QTMAN: variants seen among roughly 807,000 people sequenced by gnomAD.
QTMAN encodes the protein tRNA-queuosine alpha-mannosyltransferase.
At chr2:144,228,363 T>C in the QTMAN span, among the ~76,000 whole-genome samples, 1 of 152,214 alleles carries the variant, frequency 6.6e-6, no homozygotes, top group African/African-American at 2.4e-5. Context: ...TTTTCTGTAA[T>C]CTGAATTACT....
chr2:144,044,365 A>G, the QTMAN span, among the ~76,000 whole-genome samples: 1 of 152,074 alleles, frequency 6.6e-6, no homozygotes, highest in South Asian at 2.1e-4. Context: ...TTTTTTTTTC[A>G]GTTGGCTCAG....
At chr2:144,035,243 TGTAA>T in the QTMAN span, among the ~76,000 whole-genome samples, 2 of 152,188 alleles carry the variant, frequency 1.3e-5, no homozygotes, top group Admixed American at 6.5e-5. Flanking sequence ...CTGCCATGAT[TGTAA>T]GTTTCCTGAG....
chr2:144,108,631 C>T, the QTMAN span, among the ~76,000 whole-genome samples: 1 of 150,692 alleles, frequency 6.6e-6, no homozygotes, highest in African/African-American at 2.4e-5. Flanking sequence ...GAGCAAGACT[C>T]TGTCTCAATT....
chr2:144,242,372 T>C, the QTMAN span, among the ~76,000 whole-genome samples: 1 of 152,050 alleles, frequency 6.6e-6, no homozygotes, highest in East Asian at 1.9e-4. Flanking sequence ...TGATCCACTC[T>C]TTACTGTTTC....
chr2:144,175,653 C>CTA, the QTMAN span, among the ~76,000 whole-genome samples: 66 of 150,290 alleles, frequency 4.4e-4, no homozygotes, highest in Non-Finnish European at 4.6e-4. Context: ...ATCTATTTAT[C>CTA]TATATATATA....
At chr2:144,166,663 A>T in the QTMAN span, among the ~76,000 whole-genome samples, 3 of 152,204 alleles carry the variant, frequency 2.0e-5, no homozygotes, top group African/African-American at 4.8e-5. Flanking sequence ...ACCCCACATT[A>T]TTGTGATAGT....
the QTMAN span, among the ~76,000 whole-genome samples, chr2:143,989,254 T>C: frequency 6.6e-6 from 1 of 151,880 alleles, no homozygotes; most frequent in African/African-American, 2.4e-5. Context: ...TATAATTTAA[T>C]ATAATTTTTT....
At chr2:144,066,181 A>C in the QTMAN span, among the ~76,000 whole-genome samples, 1 of 151,248 alleles carries the variant, frequency 6.6e-6, no homozygotes, top group Non-Finnish European at 1.5e-5. Context: ...TTTTATTATA[A>C]GCATTTCATT....
At chr2:144,190,503 TAAA>T in the QTMAN span, among the ~76,000 whole-genome samples, 5 of 152,214 alleles carry the variant, frequency 3.3e-5, no homozygotes, top group Admixed American at 2.0e-4. Flanking sequence ...AGGTGATATC[TAAA>T]ATGCTTTTAC....
chr2:144,095,570 A>T, the QTMAN span, among the ~76,000 whole-genome samples: 1 of 152,160 alleles, frequency 6.6e-6, no homozygotes, highest in Non-Finnish European at 1.5e-5. Context: ...ATCTCTTGAA[A>T]ATGAGGAAAT....
the QTMAN span, chr2:144,007,344 T>C: frequency 9.2e-5 from 148 of 1,613,348 alleles, 2 homozygotes; most frequent in Middle Eastern, 4.5e-3. Flanking sequence ...TCTTAATGAG[T>C]TACCCAAATA....
chr2:144,167,183 T>A, the QTMAN span, among the ~76,000 whole-genome samples: 1 of 152,216 alleles, frequency 6.6e-6, no homozygotes, highest in African/African-American at 2.4e-5. Context: ...TATTATAGAT[T>A]GATGCTTTTA....
At chr2:144,278,192 G>T in the QTMAN span, among the ~76,000 whole-genome samples, 2 of 152,276 alleles carry the variant, frequency 1.3e-5, no homozygotes, top group East Asian at 3.9e-4. Context: ...TCTAGCAGGA[G>T]TTGCATCTAG....
the QTMAN span, among the ~76,000 whole-genome samples, chr2:144,034,076 G>T: frequency 9.2e-5 from 14 of 152,288 alleles, no homozygotes; most frequent in South Asian, 2.9e-3. Flanking sequence ...TTTGTTCTCT[G>T]TTCGAGGAGA....
chr2:144,005,556 A>G, the QTMAN span, among the ~76,000 whole-genome samples: 5 of 152,060 alleles, frequency 3.3e-5, no homozygotes, highest in Non-Finnish European at 7.4e-5. Flanking sequence ...TATTACCCGT[A>G]AGGATGAATG....
the QTMAN span, among the ~76,000 whole-genome samples, chr2:144,263,178 T>C: frequency 1.3e-5 from 2 of 151,978 alleles, no homozygotes; most frequent in African/African-American, 2.4e-5. Context: ...CTTTCATTTT[T>C]TTTTTTTTCA....
the QTMAN span, among the ~76,000 whole-genome samples, chr2:144,159,546 A>C: frequency 6.6e-6 from 1 of 152,132 alleles, no homozygotes; most frequent in South Asian, 2.1e-4. Flanking sequence ...AGTGTATTTT[A>C]TGCCGTTACT....
the QTMAN span, chr2:144,011,920 T>A: frequency 6.1e-6 from 1 of 164,398 alleles, no homozygotes; most frequent in African/African-American, 2.4e-5. Flanking sequence ...TTTAATAATT[T>A]CCCCATTTTT....
the QTMAN span, among the ~76,000 whole-genome samples, chr2:144,219,232 G>A: frequency 1.3e-5 from 2 of 152,126 alleles, no homozygotes; most frequent in African/African-American, 4.8e-5. Flanking sequence ...CTAGGTTCAA[G>A]TGATTCTGCT....
Sources: allele counts gnomAD v4.1 joint callset (sites outside exome capture counted in the v4.1 genomes callset), GRCh38; gene constraint gnomAD v4.1.1; transcripts MANE v1.5; gene names NCBI Gene and HGNC (gene_info 2026-07-23, HGNC 2026-07-21).